Variants in GABRG3 observed in about 807,000 individuals in gnomAD.
GABRG3 encodes gamma-aminobutyric acid receptor subunit gamma-3.
Under a neutral mutation model 48.8 loss-of-function variants are expected in GABRG3, and 25 were observed. That is an observed-to-expected ratio of 0.51 (90% CI 0.37 to 0.72). The LOEUF is 0.72. Among genes scored for constraint, GABRG3 ranks in the 30% least tolerant of loss-of-function variants. The pLI, the probability that GABRG3 is intolerant of heterozygous loss-of-function variation, is 0.00. For synonymous variants in GABRG3, 227 were observed against 217.6 expected, an observed-to-expected ratio of 1.04 and a Z score of -0.38; for missense variants, 394 against 577.9, an observed-to-expected ratio of 0.68 and a Z score of 3.26.
chr15:27,145,637 C>CTATCTATCTATCTATG (rs1898193921), intron 3 of GABRG3, among the ~76,000 whole-genome samples: 2 of 142,766 alleles, frequency 1.4e-5, no homozygotes, highest in Non-Finnish European at 3.1e-5. Context: ...ATCTATCTAT[C>CTATCTATCTATCTATG]TATCTATCTA....
At chr15:27,300,431 A>G (rs1344231301) in intron 3 of GABRG3, among the ~76,000 whole-genome samples, 4 of 152,128 alleles carry the variant, frequency 2.6e-5, no homozygotes, top group African/African-American at 9.7e-5. Context: ...TGGGAAGCCG[A>G]GTCTGGCAGA....
intron 3 of GABRG3, among the ~76,000 whole-genome samples, chr15:27,126,300 T>A (rs1000693100): frequency 6.6e-6 from 1 of 152,210 alleles, no homozygotes; most frequent in Admixed American, 6.5e-5. Flanking sequence ...AGAGGCTCAG[T>A]AACTTAGTCA....
chr15:27,187,605 C>T (rs919593366), intron 3 of GABRG3, among the ~76,000 whole-genome samples: 11 of 151,998 alleles, frequency 7.2e-5, no homozygotes, highest in African/African-American at 1.5e-4. Flanking sequence ...TGTTGTTCTC[C>T]TTGTAGAGCT....
intron 5 of GABRG3, among the ~76,000 whole-genome samples, chr15:27,460,217 C>A (rs930273328): frequency 6.6e-6 from 1 of 152,150 alleles, no homozygotes; most frequent in African/African-American, 2.4e-5. Context: ...ATATTTCAAG[C>A]CTTTTTTGTG....
chr15:27,181,735 A>G (rs1156396559), intron 3 of GABRG3, among the ~76,000 whole-genome samples: 1 of 152,152 alleles, frequency 6.6e-6, no homozygotes, highest in Admixed American at 6.5e-5. Context: ...TGATGGTAGG[A>G]AAACAGCAGT....
chr15:27,197,214 G>A (rs1888523261), intron 3 of GABRG3, among the ~76,000 whole-genome samples: 1 of 152,008 alleles, frequency 6.6e-6, no homozygotes, highest in African/African-American at 2.4e-5. Flanking sequence ...TGGATTTATC[G>A]GGACATATCT....
At chr15:27,234,070 G>C (rs1889884348) in intron 3 of GABRG3, among the ~76,000 whole-genome samples, 1 of 152,040 alleles carries the variant, frequency 6.6e-6, no homozygotes, top group African/African-American at 2.4e-5. Context: ...TTTTCTGTTA[G>C]TCTAAGGAGA....
At chr15:27,128,549 T>A (rs1003690857) in intron 3 of GABRG3, among the ~76,000 whole-genome samples, 1 of 152,192 alleles carries the variant, frequency 6.6e-6, no homozygotes, top group Non-Finnish European at 1.5e-5. Context: ...TTTTACAGAG[T>A]ATGTTGTCAC....
intron 2 of GABRG3, among the ~76,000 whole-genome samples, chr15:26,999,047 C>T (rs1293678902): frequency 6.6e-6 from 1 of 151,048 alleles, no homozygotes; most frequent in Non-Finnish European, 1.5e-5. Flanking sequence ...CTGGGTTAAC[C>T]ACTTTTTTGA....
intron 3 of GABRG3, among the ~76,000 whole-genome samples, chr15:27,183,940 T>C (rs1405282046): frequency 6.6e-6 from 1 of 152,216 alleles, no homozygotes; most frequent in South Asian, 2.1e-4. Context: ...GCACTTTCCC[T>C]CTACCATTCT....
At chr15:27,019,438 C>T (rs1280497799) in intron 2 of GABRG3, among the ~76,000 whole-genome samples, 1 of 152,220 alleles carries the variant, frequency 6.6e-6, no homozygotes, top group Non-Finnish European at 1.5e-5. Flanking sequence ...CCCGGATTCT[C>T]TGCTTTGGTG....
At chr15:27,080,521 G>A (rs1045191216) in intron 3 of GABRG3, among the ~76,000 whole-genome samples, 4 of 152,188 alleles carry the variant, frequency 2.6e-5, no homozygotes, top group African/African-American at 9.7e-5. Flanking sequence ...GCTTGCACAT[G>A]TATTCCGAGC....
intron 3 of GABRG3, among the ~76,000 whole-genome samples, chr15:27,209,675 G>GCC (rs1212287612): frequency 9.2e-5 from 14 of 151,926 alleles, no homozygotes; most frequent in Admixed American, 9.2e-4. Flanking sequence ...GTCTCTGGAG[G>GCC]CCACCAGAGC....
chr15:26,999,396 T>C (rs777934221), intron 2 of GABRG3, among the ~76,000 whole-genome samples: 39 of 152,130 alleles, frequency 2.6e-4, no homozygotes, highest in Non-Finnish European at 4.3e-4. Flanking sequence ...TACCAAAGGA[T>C]GGTTATACTT....
chr15:27,325,594 C>T (rs148083217), intron 3 of GABRG3, among the ~76,000 whole-genome samples: 49 of 152,258 alleles, frequency 3.2e-4, no homozygotes, highest in African/African-American at 1.2e-3. Flanking sequence ...TTTTTGTGTG[C>T]AGTGTAAATG....
intron 2 of GABRG3, among the ~76,000 whole-genome samples, chr15:27,023,517 T>C (rs1004066152): frequency 1.4e-4 from 22 of 152,210 alleles, no homozygotes; most frequent in Admixed American, 6.5e-4. Context: ...TCTGTCTCTA[T>C]GAGTTTGAGT....
At position 27,515,468 on chromosome 15, in the gene GABRG3, G is replaced by A. The variant is rs569355767; in HGVS notation, c.713-4504G>A. Among the ~76,000 whole-genome samples the A allele has an allele frequency of 5.9e-5, 9 of 152,294 alleles. No individual in the cohort carries two copies. In the South Asian group the frequency reaches 1.7e-3, roughly 28 times the overall value. ...ACCTCAGGGCAAACTTGAAGAATAA[G>A]ATGGAGAACATTAGGCTTTTTGGCT... On this transcript the variant is annotated intron_variant, in intron 6 of 9. Coordinates refer to ENST00000615808, the MANE Select transcript of GABRG3 (RefSeq NM_033223.5).
chr15:27,010,969 C>T (rs1039419613), intron 2 of GABRG3, among the ~76,000 whole-genome samples: 4 of 152,120 alleles, frequency 2.6e-5, no homozygotes, highest in African/African-American at 9.7e-5. Context: ...CCTCAGCCTC[C>T]AGAGTAGCTG....
chr15:27,071,222 G>A (rs2140734105), intron 3 of GABRG3, among the ~76,000 whole-genome samples: 1 of 152,328 alleles, frequency 6.6e-6, no homozygotes, highest in Middle Eastern at 3.4e-3. Flanking sequence ...GGCCAAAGCT[G>A]CTAGGAGCCA....
Sources: gnomAD v4.1 joint callset for allele counts (sites outside exome capture counted in the v4.1 genomes callset) on GRCh38, gnomAD v4.1.1 for gene constraint, MANE v1.5 for transcripts, NCBI Gene and HGNC (gene_info 2026-07-23, HGNC 2026-07-21) for gene names.